The following NTN1 variants were observed in gnomAD, a reference collection of about 807,000 sequenced individuals.
NTN1 encodes the protein netrin 1, also known as netrin-1.
A neutral mutation model predicts 54.2 loss-of-function variants in NTN1; 11 were observed. The observed-to-expected ratio is 0.20, with a 90% CI of 0.13 to 0.34. NTN1 has a LOEUF of 0.34. Ranked by LOEUF, NTN1 falls within the 10% of genes least tolerant of loss-of-function variation. The probability of loss-of-function intolerance (pLI) is 1.00; values close to 1 mark genes in which losing one functional copy is unlikely to be tolerated. For synonymous variants in NTN1, 371 were observed against 382.0 expected (o/e 0.97, Z 0.33); for missense variants, 740 against 893.1 (o/e 0.83, Z 2.18).
intron 6 of NTN1, among the ~76,000 whole-genome samples, chr17:9,237,015 C>G (rs1210109640): frequency 6.6e-6 from 1 of 152,212 alleles, no homozygotes; most frequent in African/African-American, 2.4e-5. Flanking sequence ...TTTCTCTAGC[C>G]TCTTCTCAGC....
At chr17:9,182,130 A>G (rs2092420323) in intron 4 of NTN1, among the ~76,000 whole-genome samples, 2 of 152,240 alleles carry the variant, frequency 1.3e-5, no homozygotes, top group African/African-American at 4.8e-5. Context: ...GGTGCGTGCC[A>G]CCACGCCTGG....
At chr17:9,010,870 G>A in the NTN1 span, among the ~76,000 whole-genome samples, 1 of 152,124 alleles carries the variant, frequency 6.6e-6, no homozygotes, top group East Asian at 1.9e-4. Flanking sequence ...CATTTATTGT[G>A]CACTTTATTT....
At chr17:9,107,737 A>G (rs1351792316) in intron 2 of NTN1, among the ~76,000 whole-genome samples, 1 of 152,182 alleles carries the variant, frequency 6.6e-6, no homozygotes, top group Non-Finnish European at 1.5e-5. Context: ...AGCCACACCC[A>G]TTTGTTTAAG....
At chr17:9,121,592 TCCCC>T (rs2142261953) in intron 2 of NTN1, among the ~76,000 whole-genome samples, 1 of 152,252 alleles carries the variant, frequency 6.6e-6, no homozygotes, top group Non-Finnish European at 1.5e-5. Context: ...CCGCTGCCTC[TCCCC>T]ACATTTTTTG....
chr17:9,103,206 A>G (rs1341611401), intron 2 of NTN1, among the ~76,000 whole-genome samples: 1 of 152,236 alleles, frequency 6.6e-6, no homozygotes. Context: ...TGGAACAGAT[A>G]TTTGTACCAC....
At chr17:9,070,923 G>A (rs957351797) in intron 2 of NTN1, among the ~76,000 whole-genome samples, 4 of 151,830 alleles carry the variant, frequency 2.6e-5, no homozygotes, top group Admixed American at 6.6e-5. Context: ...CATGTGCTTT[G>A]TGGAGCAAAG....
intron 4 of NTN1, among the ~76,000 whole-genome samples, chr17:9,182,119 A>G (rs1364839188): frequency 6.6e-6 from 1 of 152,196 alleles, no homozygotes; most frequent in African/African-American, 2.4e-5. Flanking sequence ...CTGGGACTAC[A>G]GGTGCGTGCC....
chr17:9,068,808 C>G (rs75436653), intron 2 of NTN1, among the ~76,000 whole-genome samples: 1 of 151,984 alleles, frequency 6.6e-6, no homozygotes, highest in Non-Finnish European at 1.5e-5. Flanking sequence ...GCGCCTGGCC[C>G]GATTTTTTAA....
chr17:9,146,511 C>T (rs1315627462), intron 2 of NTN1, among the ~76,000 whole-genome samples: 3 of 152,148 alleles, frequency 2.0e-5, no homozygotes, highest in Non-Finnish European at 4.4e-5. Flanking sequence ...TACCTTGGTC[C>T]TCAGTCCTGA....
At chr17:9,193,931 A>AT (rs1555574979) in intron 5 of NTN1, among the ~76,000 whole-genome samples, 1 of 123,398 alleles carries the variant, frequency 8.1e-6, no homozygotes, top group Admixed American at 7.8e-5. Context: ...AAAAAAAAAA[A>AT]AAAAAAAAAA....
At chr17:9,208,584 C>T (rs1905026061) in intron 5 of NTN1, among the ~76,000 whole-genome samples, 1 of 152,184 alleles carries the variant, frequency 6.6e-6, no homozygotes, top group African/African-American at 2.4e-5. Flanking sequence ...AGGAAGGCTA[C>T]ACAGGGAAGT....
chr17:9,052,855 T>C (rs1038076787), intron 2 of NTN1, among the ~76,000 whole-genome samples: 6 of 152,224 alleles, frequency 3.9e-5, no homozygotes, highest in African/African-American at 1.4e-4. Context: ...AATCCATGAC[T>C]GACACAGAGC....
intron 5 of NTN1, among the ~76,000 whole-genome samples, chr17:9,187,779 C>T (rs577256307): frequency 1.3e-5 from 2 of 151,382 alleles, no homozygotes; most frequent in African/African-American, 2.4e-5. Context: ...TGCAGTGAGC[C>T]GTGATTGCAC....
At chr17:9,141,298 G>A (rs7213264) in intron 2 of NTN1, among the ~76,000 whole-genome samples, 6,186 of 151,942 alleles carry the variant, frequency 0.041, 429 homozygotes, top group African/African-American at 0.14. Flanking sequence ...TTAATGAGGG[G>A]GGGGAGAAGG....
chr17:9,180,158 T>A (rs9914855), intron 4 of NTN1, among the ~76,000 whole-genome samples: 1 of 152,092 alleles, frequency 6.6e-6, no homozygotes, highest in Non-Finnish European at 1.5e-5. Flanking sequence ...CCTGCCTCAG[T>A]CTTCCAAGTA....
At chr17:9,210,426 A>C (rs956058068) in intron 5 of NTN1, among the ~76,000 whole-genome samples, 1 of 84,420 alleles carries the variant, frequency 1.2e-5, no homozygotes, top group Non-Finnish European at 2.4e-5. Flanking sequence ...GCGTGCACAC[A>C]CACACACACC....
At position 9,140,917 on chromosome 17, in the gene NTN1, A is replaced by G. The variant is rs75759251; in HGVS notation, c.1019-21896A>G. On this transcript the variant is annotated intron_variant, in intron 2 of 6. Transcript: ENST00000173229. ...GATTTGGGAGAGAATTAAAAGTAAG[A>G]GCACTTGGTGATGGATTGATTAGGT... is the stretch of plus-strand genomic sequence containing the variant. Among the ~76,000 whole-genome samples the G allele has an allele frequency of 3.4e-3, 511 of 152,282 alleles. 6 individuals carry two copies. The highest frequency in any genetic ancestry group is 0.011 in the African/African-American group (477 of 41,564).
Position 9,240,370 on chromosome 17 carries a change from C to G in NTN1, c.*402C>G, listed in dbSNP as rs1044689884. ...CACAACTGGGGCCCCAGGCGCGGGG[C>G]GTGGATGGCGCGGAGACGTGGACGG... On this transcript the variant is annotated 3_prime_UTR_variant, in exon 7 of 7. Coordinates refer to ENST00000173229, the MANE Select transcript of NTN1 (RefSeq NM_004822.3). 1 of 152,220 alleles carries G rather than the reference C, an allele frequency of 6.6e-6. No homozygotes were observed. Among genetic ancestry groups the G allele is most frequent in the Non-Finnish European group, 1.5e-5 (1 of 68,090 alleles). 9.4% of individuals were successfully genotyped at this position (152,220 alleles called of 1,614,324 possible).
At chr17:9,023,422 CG>C in intron 2 of NTN1, 31 bp downstream of exon 2, 1 of 1,342,850 alleles carries the variant, frequency 7.4e-7, no homozygotes, top group African/African-American at 1.5e-5. Context: ...GAGCCGGCGG[CG>C]GGTGGGGCCG....
Sources: allele counts gnomAD v4.1 joint callset (sites outside exome capture counted in the v4.1 genomes callset), GRCh38; gene constraint gnomAD v4.1.1; transcripts MANE v1.5; gene names NCBI Gene and HGNC (gene_info 2026-07-23, HGNC 2026-07-21).